The following LDLRAD3 variants were observed in gnomAD, a reference collection of about 807,000 sequenced individuals.
LDLRAD3 encodes the protein low density lipoprotein receptor class A domain containing 3.
In LDLRAD3, 20 loss-of-function variants were observed where a neutral mutation model predicts 29.4. The ratio of observed to expected loss-of-function variants is 0.68; its 90% CI spans 0.48 to 0.99. The LOEUF (loss-of-function observed/expected upper bound fraction) is 0.99, where lower values mean the gene tolerates loss of function less well. LDLRAD3 is among the 50% of genes least tolerant of loss of function. LDLRAD3 has a pLI of 0.00. For missense variants in LDLRAD3, 420 were observed against 454.3 expected, an observed-to-expected ratio of 0.92 and a Z score of 0.69; for synonymous variants, 157 against 192.7, an observed-to-expected ratio of 0.81 and a Z score of 1.53.
rs745375991 is a variant in LDLRAD3, at chr11:36,113,672, C to CTTTTT, written c.454+15226_454+15230dup. Among the ~76,000 whole-genome samples the CTTTTT allele has an allele frequency of 5.1e-4, 65 of 126,382 alleles. 5 individuals carry two copies. Among genetic ancestry groups the CTTTTT allele is most frequent in the African/African-American group, 1.9e-3 (59 of 31,658 alleles). The allele number at this position is 126,382 out of a possible 152,430, so 82.9% of individuals were successfully genotyped here. ...TAGGTGTAGAAATCACATAGCATCA[C>CTTTTT]TTTTTTTTTTTTTTTTTTTGAGACA... On this transcript the variant is annotated intron_variant, in intron 4 of 5. Transcript: ENST00000315571.
chr11:36,181,513 A>G (rs1322448322), intron 4 of LDLRAD3, among the ~76,000 whole-genome samples: 5 of 152,152 alleles, frequency 3.3e-5, no homozygotes, highest in Non-Finnish European at 7.4e-5. Flanking sequence ...CAGGGGCTCA[A>G]GCTTAGGCCT....
intron 1 of LDLRAD3, among the ~76,000 whole-genome samples, chr11:36,025,389 A>ATTTTTT (rs35778261): frequency 7.2e-6 from 1 of 138,058 alleles, no homozygotes; most frequent in African/African-American, 2.7e-5. Flanking sequence ...CTGGCTTCAG[A>ATTTTTT]TTTTTTTTTT....
rs1270886858 is a variant in LDLRAD3 at position 36,213,965 on chromosome 11, A to C, written c.455-13120A>C. ...GCTCACAGTCGCTTCACTCGGCTCA[A>C]ATTTAAAACAGTCTTCAGTGTTCAT... is the stretch of plus-strand genomic sequence containing the variant. On this transcript the variant is annotated intron_variant, in intron 4 of 5. Transcript: ENST00000315571. This position sits in a 1 kb window ranked among gnomAD's most constrained non-coding sequence, Gnocchi z 4.1. Among the ~76,000 whole-genome samples the C allele has an allele frequency of 1.3e-5, 2 of 152,174 alleles. No homozygotes were observed. Among genetic ancestry groups the C allele is most frequent in the Non-Finnish European group, 2.9e-5 (2 of 68,034 alleles).
intron 2 of LDLRAD3, among the ~76,000 whole-genome samples, chr11:36,052,968 A>G (rs1852549593): frequency 6.8e-6 from 1 of 147,346 alleles, no homozygotes; most frequent in South Asian, 2.2e-4. Context: ...TTGAGGTCTG[A>G]TTTTTTTTTT....
At chr11:35,990,376 T>TG (rs1418269099) in intron 1 of LDLRAD3, among the ~76,000 whole-genome samples, 1 of 152,116 alleles carries the variant, frequency 6.6e-6, no homozygotes, top group Admixed American at 6.6e-5. Flanking sequence ...ACCAGGAATC[T>TG]GTGGCATTCC....
At chr11:36,180,416 C>T (rs1854741943) in intron 4 of LDLRAD3, among the ~76,000 whole-genome samples, 1 of 152,112 alleles carries the variant, frequency 6.6e-6, no homozygotes, top group South Asian at 2.1e-4. Flanking sequence ...ACAATGAGCC[C>T]AAATCCCTGT....
At position 36,098,541 on chromosome 11, in the gene LDLRAD3, C is replaced by T. The variant is rs549882796; in HGVS notation, c.454+80C>T. 4.6e-4 allele frequency: 687 copies of T among 1,504,740 alleles called. 6 individuals carry two copies. In the African/African-American group the frequency reaches 8.5e-3, roughly 19 times the overall value. The allele number at this position is 1,504,740 out of a possible 1,614,324, so 93.2% of individuals were successfully genotyped here. On this transcript the variant is annotated intron_variant, in intron 4 of 5. Coordinates refer to ENST00000315571, the MANE Select transcript of LDLRAD3 (RefSeq NM_174902.4). Reference sequence around the variant, plus strand: ...GAACACCCTGAAAGGCAGAAAGCAACACCCATTCCCATTCCAAACACAATA... The same window carrying T: ...GAACACCCTGAAAGGCAGAAAGCAATACCCATTCCCATTCCAAACACAATA...
intron 2 of LDLRAD3, among the ~76,000 whole-genome samples, chr11:36,039,099 A>G (rs1194040728): frequency 6.6e-6 from 1 of 151,314 alleles, no homozygotes; most frequent in African/African-American, 2.4e-5. Context: ...TCTCCCGAGT[A>G]GCTGGGACTA....
intron 4 of LDLRAD3, among the ~76,000 whole-genome samples, chr11:36,181,770 A>G (rs1017313060): frequency 5.3e-5 from 8 of 152,184 alleles, no homozygotes; most frequent in Non-Finnish European, 8.8e-5. Flanking sequence ...AAGGTCCTCA[A>G]TTACTAATGG....
intron 1 of LDLRAD3, among the ~76,000 whole-genome samples, chr11:36,009,900 A>G (rs1381369986): frequency 2.6e-5 from 4 of 152,208 alleles, no homozygotes; most frequent in Admixed American, 2.6e-4. Context: ...CTTTGTATAC[A>G]TAGCCACTCA....
In LDLRAD3 at chr11:36,136,647, C is replaced by A. The variant is rs185294875; in HGVS notation, c.454+38186C>A. 1.4e-4 allele frequency among the ~76,000 whole-genome samples: 21 copies of A among 152,146 alleles called. No individual in the cohort carries two copies. The East Asian group carries it at 3.5e-3, about 25-fold the overall frequency. On this transcript the variant is annotated intron_variant, in intron 4 of 5. Transcript: ENST00000315571. Reference sequence around the variant, plus strand: ...GGCCCACCCAGAAGCTGAGTAGATGCCTGCACCATGCCTCTTGTAAAGCCT... The same window carrying A: ...GGCCCACCCAGAAGCTGAGTAGATGACTGCACCATGCCTCTTGTAAAGCCT...
chr11:36,099,635 G>A (rs1853416536), intron 4 of LDLRAD3, among the ~76,000 whole-genome samples: 1 of 152,172 alleles, frequency 6.6e-6, no homozygotes, highest in South Asian at 2.1e-4. Flanking sequence ...ATAGATGATG[G>A]ATAAGTTCCA....
At chr11:35,985,675 G>A (rs1018202701) in intron 1 of LDLRAD3, among the ~76,000 whole-genome samples, 4 of 152,068 alleles carry the variant, frequency 2.6e-5, no homozygotes, top group East Asian at 1.9e-4. Context: ...TGCCATTCTC[G>A]TGATAGTGAA....
chr11:36,054,135 C>G (rs1338000311), intron 2 of LDLRAD3, among the ~76,000 whole-genome samples: 2 of 152,192 alleles, frequency 1.3e-5, no homozygotes, highest in Non-Finnish European at 2.9e-5. Flanking sequence ...AGGTTTCCCC[C>G]CCATTTTCTG....
Position 36,036,227 on chromosome 11 carries a change from C to A in LDLRAD3, c.171C>A (p.Asp57Glu). Residue 57 changes from aspartate to glutamate, a missense_variant, in exon 2 of 6, where the codon GAC becomes GAA. This residue lies in a region of LDLRAD3 where 224 missense variants were observed against 222.2 expected (regional missense o/e 1.01). Transcript: ENST00000315571. Reference sequence around the variant, plus strand: ...GTGACGGGCTGCCTGACTGCTTCGACAAGAGTGATGAGAAGGAGTGCCGTG... The same window carrying A: ...GTGACGGGCTGCCTGACTGCTTCGAAAAGAGTGATGAGAAGGAGTGCCGTG... The part of the protein sequence containing the change: ...WQCDGLPDCF[D>E]KSDEKECPKA... The A allele has an allele frequency of 6.2e-7, 1 of 1,614,150 alleles. No individual in the cohort carries two copies. The highest frequency in any genetic ancestry group is 8.5e-7 in the Non-Finnish European group (1 of 1,180,026).
chr11:36,079,166 T>C (rs1853070006), intron 2 of LDLRAD3, among the ~76,000 whole-genome samples: 1 of 152,358 alleles, frequency 6.6e-6, no homozygotes, highest in African/African-American at 2.4e-5. Flanking sequence ...CAGCGGCCAC[T>C]CTGAACAGCC....
At chr11:36,061,662 G>A (rs559485900) in intron 2 of LDLRAD3, among the ~76,000 whole-genome samples, 1 of 152,312 alleles carries the variant, frequency 6.6e-6, no homozygotes, top group African/African-American at 2.4e-5. Flanking sequence ...TGGTTTTTGA[G>A]CAGCAGAAAG....
rs1294873680 is a variant in LDLRAD3, at chr11:36,081,658, G to A, written c.199G>A (p.Ala67Thr). The A allele has an allele frequency of 1.2e-6, 2 of 1,614,222 alleles. No individual in the cohort carries two copies. Among genetic ancestry groups the A allele is most frequent in the Non-Finnish European group, 8.5e-7 (1 of 1,180,044 alleles). ...GTTTCTTTTTCTTCCTGCAGCCAAG[G>A]CTAAGTCGAAATGTGGCCCAACCTT... is the stretch of plus-strand genomic sequence containing the variant. The part of the protein sequence containing the change: ...DKSDEKECPK[A>T]KSKCGPTFFP... The change falls in exon 3 of 6, where the codon GCT (alanine) becomes ACT (threonine). Residue 67 changes from alanine to threonine, a missense_variant. Physicochemically the swap from Ala to Thr is moderately conservative, Grantham distance 58. Transcript: ENST00000315571.
rs185519179 is a variant in LDLRAD3 at position 36,060,855 on chromosome 11, A to G, written c.194-20798A>G. On this transcript the variant is annotated intron_variant, in intron 2 of 5. Transcript: ENST00000315571. ...CCTTTCTTTTCTGCTTTTCCTTATAACATCCCATTTTCCACATTTTAAACT... is the reference window on the plus strand; with the variant it reads ...CCTTTCTTTTCTGCTTTTCCTTATAGCATCCCATTTTCCACATTTTAAACT... Among the ~76,000 whole-genome samples the G allele has an allele frequency of 2.6e-5, 4 of 152,308 alleles. No individual in the cohort carries two copies. In the East Asian group the frequency reaches 5.8e-4, roughly 22 times the overall value.
Sources: gnomAD v4.1 joint callset for allele counts (sites outside exome capture counted in the v4.1 genomes callset) on GRCh38, gnomAD v4.1.1 for gene constraint, gnomAD v4.1.1 regional missense constraint, Gnocchi (gnomAD v3.1) non-coding constraint, MANE v1.5 for transcripts, NCBI Gene and HGNC (gene_info 2026-07-23, HGNC 2026-07-21) for gene names.